SARS1: variants seen among roughly 807,000 people sequenced by gnomAD.
SARS1 encodes the protein serine--tRNA ligase, cytoplasmic.
Under a neutral mutation model 63.7 loss-of-function variants are expected in SARS1, and 25 were observed. The observed-to-expected ratio is 0.39, with a 90% CI of 0.29 to 0.55. The LOEUF (loss-of-function observed/expected upper bound fraction) is 0.55, where lower values mean the gene tolerates loss of function less well. Ranked by LOEUF, SARS1 falls within the 20% of genes least tolerant of loss-of-function variation. The pLI is 0.62. For missense variants in SARS1, 417 were observed against 649.7 expected (o/e 0.64, Z 3.89); for synonymous variants, 231 against 243.5 (o/e 0.95, Z 0.48).
At position 109,214,480 on chromosome 1, in the gene SARS1, C is replaced by T; in HGVS notation, c.136+352C>T. ...TCTACGCGGCTTTCCTAACACGAAT[C>T]TTTGGTCCCCCCCAGTCTTTTTCTC... is the stretch of plus-strand genomic sequence containing the variant. On this transcript the variant is annotated intron_variant, in intron 1 of 10. Transcript: ENST00000234677. This position sits in a 1 kb window ranked among gnomAD's most constrained non-coding sequence, Gnocchi z 4.6. The T allele has an allele frequency of 2.0e-6, 2 of 1,008,850 alleles. No homozygotes were observed. The highest frequency in any genetic ancestry group is 2.4e-6 in the Non-Finnish European group (2 of 829,172). The allele number at this position is 1,008,850 out of a possible 1,614,324, so 62.5% of individuals were successfully genotyped here.
intron 1 of SARS1, chr1:109,215,690 A>G: frequency 1.1e-6 from 1 of 937,654 alleles, no homozygotes; most frequent in Non-Finnish European, 1.3e-6. Flanking sequence ...ATGTGAAGTC[A>G]TTTCTTTTCT....
chr1:109,216,970 G>T (rs1654804511), intron 1 of SARS1: 1 of 985,370 alleles, frequency 1.0e-6, no homozygotes, highest in Non-Finnish European at 1.2e-6. Context: ...TTTTAAAACA[G>T]GTCCTTATCA....
At chr1:109,221,020 ATACT>A (rs1654913916) in intron 1 of SARS1, among the ~76,000 whole-genome samples, 1 of 151,612 alleles carries the variant, frequency 6.6e-6, no homozygotes, top group Admixed American at 6.6e-5. Flanking sequence ...CTGATAGTAG[ATACT>A]TACAGAAAAA....
intron 4 of SARS1, among the ~76,000 whole-genome samples, chr1:109,230,549 A>G (rs1178157588): frequency 6.6e-6 from 1 of 152,188 alleles, no homozygotes; most frequent in South Asian, 2.1e-4. Context: ...GCTCACGTCT[A>G]TAATCCCAGC....
chr1:109,226,677 A>ATATATATATATAT (rs1553177727), intron 2 of SARS1, among the ~76,000 whole-genome samples: 9 of 44,958 alleles, frequency 2.0e-4, no homozygotes, highest in East Asian at 6.2e-4. Flanking sequence ...AAAAAAAAAA[A>ATATATATATATAT]ATATATATAT....
At chr1:109,232,391 G>A (rs538456527) in intron 6 of SARS1, among the ~76,000 whole-genome samples, 75 of 152,340 alleles carry the variant, frequency 4.9e-4, no homozygotes, top group African/African-American at 1.7e-3. Flanking sequence ...GATTTCTAGA[G>A]CGTCTCTGCT....
At chr1:109,230,287 CAA>C (rs1001590275) in intron 4 of SARS1, among the ~76,000 whole-genome samples, 1 of 151,602 alleles carries the variant, frequency 6.6e-6, no homozygotes, top group Non-Finnish European at 1.5e-5. Context: ...AAGAAATAAA[CAA>C]AAAAAACCCC....
chr1:109,222,969 C>T (rs141445743), intron 1 of SARS1, among the ~76,000 whole-genome samples: 1 of 152,166 alleles, frequency 6.6e-6, no homozygotes, highest in Non-Finnish European at 1.5e-5. Flanking sequence ...AAGCTGAGGT[C>T]GTGCCACTGC....
At chr1:109,223,620 A>G (rs1282063796) in intron 1 of SARS1, among the ~76,000 whole-genome samples, 2 of 152,162 alleles carry the variant, frequency 1.3e-5, no homozygotes, top group Non-Finnish European at 2.9e-5. Flanking sequence ...CCTGGCCAAC[A>G]TGGTGAAACC....
intron 1 of SARS1, among the ~76,000 whole-genome samples, chr1:109,222,680 GCTAT>G (rs1195199034): frequency 6.6e-6 from 1 of 152,146 alleles, no homozygotes; most frequent in Non-Finnish European, 1.5e-5. Flanking sequence ...CTCTCTAGGT[GCTAT>G]CTTATTTCTA....
rs1214795140 is a variant in SARS1 at position 109,224,043 on chromosome 1, A to G, written c.202A>G (p.Met68Val). The change falls in exon 2 of 11, where the codon ATG becomes GTG. Residue 68 changes from methionine (M) to valine (V), a missense_variant. Around this residue, in one of 3 missense-constraint regions of SARS1, gnomAD observed 359 missense variants for 529.6 expected, o/e 0.68. Coordinates refer to ENST00000234677, the MANE Select transcript of SARS1 (RefSeq NM_006513.4). ...NLCSKTIGEK[M>V]KKKEPVGDDE... ...ATGCAGCAAGACAATCGGAGAGAAA[A>G]TGAAGGTAAGAGAACTGAATAACAA... 1 of 1,612,280 alleles carries G rather than the reference A, an allele frequency of 6.2e-7. No individual in the cohort carries two copies. Among genetic ancestry groups the G allele is most frequent in the Non-Finnish European group, 8.5e-7 (1 of 1,178,308 alleles).
intron 6 of SARS1, among the ~76,000 whole-genome samples, chr1:109,233,873 T>G (rs2101205144): frequency 7.3e-6 from 1 of 137,096 alleles, no homozygotes; most frequent in African/African-American, 2.7e-5. Flanking sequence ...TTTTTTTTTT[T>G]TTTTTTTTTT....
At position 109,237,261 on chromosome 1, in the gene SARS1, G is replaced by A. The variant is rs1443437134; in HGVS notation, c.1275G>A (p.Met425Ile). The stretch of plus-strand genomic sequence containing the variant: ...CTTCCCAGGTGGAGTTTGTCCATAT[G>A]CTCAATGCTACCATGTGCGCCACTA... ...KMMDKVEFVH[M>I]LNATMCATTR... Residue 425 changes from methionine to isoleucine, a missense_variant, in exon 10 of 11, where the codon ATG becomes ATA. Transcript: ENST00000234677. This position sits in a 1 kb window ranked among gnomAD's most constrained non-coding sequence, Gnocchi z 4.1. The A allele has an allele frequency of 6.2e-7, 1 of 1,613,182 alleles. No individual in the cohort carries two copies. The highest frequency in any genetic ancestry group is 1.3e-5 in the African/African-American group (1 of 74,838).
At chr1:109,227,720 G>GA (rs1216446792) in intron 2 of SARS1, among the ~76,000 whole-genome samples, 3 of 150,628 alleles carry the variant, frequency 2.0e-5, no homozygotes, top group African/African-American at 7.4e-5. Context: ...ATCCAACAGA[G>GA]TGAAACCCTA....
chr1:109,217,183 G>A (rs781586624), intron 1 of SARS1: 20 of 964,672 alleles, frequency 2.1e-5, no homozygotes, highest in Non-Finnish European at 2.3e-5. Context: ...GACTTAGGAT[G>A]GGTTTATGTC....
chr1:109,221,960 T>TTTTGTGTG (rs771565091), intron 1 of SARS1, among the ~76,000 whole-genome samples: 13 of 10,076 alleles, frequency 1.3e-3, no homozygotes, highest in African/African-American at 1.9e-3. Flanking sequence ...GCTAATTTTT[T>TTTTGTGTG]TGTGTGTGTG....
rs758310836 is a variant in SARS1 at position 109,213,944 on chromosome 1, C to A, written c.-49C>A. 1.3e-6 allele frequency: 2 copies of A among 1,563,088 alleles called. No homozygotes were observed. Among genetic ancestry groups the A allele is most frequent in the South Asian group, 1.2e-5 (1 of 85,372 alleles). The stretch of plus-strand genomic sequence containing the variant: ...CAGTGCGGCGGTCACAGGCTGAGTG[C>A]TGCGGCGCGATCCTTGCTTCCCTGA... On this transcript the variant is annotated 5_prime_UTR_variant, in exon 1 of 11. The change creates a new upstream start codon in the 5' untranslated region. Transcript: ENST00000234677.
At chr1:109,219,669 T>C (rs1207638811) in intron 1 of SARS1, among the ~76,000 whole-genome samples, 2 of 151,854 alleles carry the variant, frequency 1.3e-5, no homozygotes, top group African/African-American at 2.4e-5. Flanking sequence ...CCCACCACCA[T>C]GCCTGGCTAA....
chr1:109,236,420 C>G lies in SARS1; in HGVS notation c.1129C>G (p.Leu377Val), dbSNP rs764513869. The G allele has an allele frequency of 3.1e-6, 5 of 1,596,510 alleles. No homozygotes were observed. In the East Asian group the frequency reaches 1.1e-4, roughly 36 times the overall value. ...GSLNHAASKKLDLEAWFPGSG... is the reference protein window; with the variant it reads ...GSLNHAASKKVDLEAWFPGSG... ...TTTGAATCATGCTGCCAGTAAGAAG[C>G]TTGACCTGGAGGCCTGGTTTCCGGG... Residue 377 changes from leucine (L) to valine (V), a missense_variant, in exon 9 of 11, where the codon CTT becomes GTT. Physicochemically the swap from Leu to Val is conservative, Grantham distance 32. Coordinates refer to ENST00000234677, the MANE Select transcript of SARS1 (RefSeq NM_006513.4).
Sources: allele counts gnomAD v4.1 joint callset (sites outside exome capture counted in the v4.1 genomes callset), GRCh38; gene constraint gnomAD v4.1.1; regional missense constraint gnomAD v4.1.1; non-coding constraint Gnocchi (gnomAD v3.1); transcripts MANE v1.5; gene names NCBI Gene and HGNC (gene_info 2026-07-23, HGNC 2026-07-21).